ST7L: variants seen among roughly 807,000 people sequenced by gnomAD.
The protein encoded by ST7L is suppression of tumorigenicity 7 like.
In ST7L, 57 loss-of-function variants were observed where a neutral mutation model predicts 72.5. That is an observed-to-expected ratio of 0.79 (90% CI 0.64 to 0.98). The LOEUF (loss-of-function observed/expected upper bound fraction) is 0.98. Among genes scored for constraint, ST7L ranks in the 50% least tolerant of loss-of-function variants. The pLI, the probability that ST7L is intolerant of heterozygous loss-of-function variation, is 0.00. For missense variants in ST7L, 576 were observed against 672.2 expected, an observed-to-expected ratio of 0.86 and a Z score of 1.58; for synonymous variants, 221 against 240.9, an observed-to-expected ratio of 0.92 and a Z score of 0.77.
At chr1:112,520,492 T>A (rs759825299), downstream of ST7L, 4 of 1,613,746 alleles carry the variant, frequency 2.5e-6, no homozygotes, top group African/African-American at 4.0e-5. Flanking sequence ...GAAGGCAGAG[T>A]GGCTGGACCA....
At chr1:112,530,718 G>GTGC (rs1186551858) in intron 14 of ST7L, among the ~76,000 whole-genome samples, 1 of 152,106 alleles carries the variant, frequency 6.6e-6, no homozygotes, top group African/African-American at 2.4e-5. Context: ...CCCAGCCTCT[G>GTGC]TGCCTATTTT....
intron 11 of ST7L, among the ~76,000 whole-genome samples, chr1:112,565,845 A>G (rs894140322): frequency 6.6e-6 from 1 of 152,016 alleles, no homozygotes; most frequent in Non-Finnish European, 1.5e-5. Flanking sequence ...GCAAAACCCC[A>G]TCTCTACAAA....
intron 9 of ST7L, 77 bp downstream of exon 9, chr1:112,581,915 A>G (rs376386704): frequency 2.9e-6 from 3 of 1,017,492 alleles, no homozygotes; most frequent in Non-Finnish European, 4.5e-6. Flanking sequence ...AAAATTAAAT[A>G]CTAGAATATA....
intron 14 of ST7L, chr1:112,540,469 AAATAG>A (rs1230134909): frequency 1.0e-6 from 1 of 985,366 alleles, no homozygotes; most frequent in Admixed American, 6.1e-5. Flanking sequence ...CACTGAAAAG[AAATAG>A]AATAGTCAGT....
chr1:112,559,425 G>A (rs1659727299), intron 11 of ST7L, among the ~76,000 whole-genome samples: 1 of 151,746 alleles, frequency 6.6e-6, no homozygotes, highest in South Asian at 2.1e-4. Context: ...GTAGAAACGG[G>A]GTTTCACTAT....
At chr1:112,590,917 T>C (rs1034664139) in intron 6 of ST7L, among the ~76,000 whole-genome samples, 20 of 151,530 alleles carry the variant, frequency 1.3e-4, no homozygotes, top group Non-Finnish European at 2.2e-4. Context: ...AATACATTTG[T>C]ATTTTAGTAC....
chr1:112,578,471 A>G (rs1369378995), intron 9 of ST7L, 54 bp from the exon 10 acceptor site: 2 of 1,486,264 alleles, frequency 1.3e-6, no homozygotes, highest in African/African-American at 2.8e-5. Flanking sequence ...TATTGAGACA[A>G]TTTTTTAATA....
intron 13 of ST7L, among the ~76,000 whole-genome samples, chr1:112,547,022 G>A (rs868615959): frequency 6.6e-6 from 1 of 151,440 alleles, no homozygotes; most frequent in Non-Finnish European, 1.5e-5. Flanking sequence ...TGTTACACAG[G>A]CAACATAGTC....
At chr1:112,550,833 A>C (rs1657998144) in intron 12 of ST7L, 140 bp from the exon 13 acceptor site, 1 of 613,008 alleles carries the variant, frequency 1.6e-6, no homozygotes, top group Admixed American at 2.9e-5. Context: ...AAAGTAAGCA[A>C]AATAATAAAT....
Position 112,581,976 on chromosome 1 carries a change from A to T in ST7L, c.1069+16T>A. On this transcript the variant is annotated intron_variant, in intron 9 of 14. Transcript: ENST00000358039. Reference sequence around the variant, plus strand: ...AAAAGAATAACCATGCTATCAACTAAGGGAATATGACTCACCATCATATTT... The same window carrying T: ...AAAAGAATAACCATGCTATCAACTATGGGAATATGACTCACCATCATATTT... 1 of 1,436,046 alleles carries T rather than the reference A, an allele frequency of 7.0e-7. No homozygotes were observed. Among genetic ancestry groups the T allele is most frequent in the Non-Finnish European group, 9.8e-7 (1 of 1,019,284 alleles). 89.0% of individuals were successfully genotyped at this position (1,436,046 alleles called of 1,614,324 possible).
At chr1:112,539,032 A>C (rs185976819) in intron 14 of ST7L, 3 of 152,338 alleles carry the variant, frequency 2.0e-5, no homozygotes, top group African/African-American at 7.2e-5. Context: ...TCTATTTCAT[A>C]ATGACTCTGC....
At chr1:112,566,494 T>C (rs928020733) in intron 11 of ST7L, among the ~76,000 whole-genome samples, 1 of 152,034 alleles carries the variant, frequency 6.6e-6, no homozygotes, top group Non-Finnish European at 1.5e-5. Flanking sequence ...AGATGGGGTT[T>C]CACCATGCTG....
Position 112,582,439 on chromosome 1 carries a change from CTTTT to C in ST7L, c.886_889del (p.Lys296GlufsTer10). ...TTTTCTTGCACACATTGCCAATCTT[CTTTT>C]AATATATACCAGTACATTGGTATCT... On this transcript the variant is annotated frameshift_variant, in exon 8 of 15. Coordinates refer to ENST00000358039, the MANE Select transcript of ST7L (RefSeq NM_017744.5). LOFTEE classifies it high-confidence loss of function. 6.2e-7 allele frequency: 1 copy of C among 1,608,354 alleles called. No individual in the cohort carries two copies.
intron 2 of ST7L, 134 bp from the exon 3 acceptor site, chr1:112,611,137 T>C: frequency 1.3e-6 from 1 of 767,484 alleles, no homozygotes; most frequent in Non-Finnish European, 2.0e-6. Flanking sequence ...GAAAAAAACA[T>C]ACAAACACAA....
intron 11 of ST7L, among the ~76,000 whole-genome samples, chr1:112,573,967 T>G (rs1345417640): frequency 7.3e-6 from 1 of 136,808 alleles, no homozygotes; most frequent in Non-Finnish European, 1.5e-5. Flanking sequence ...CAAGCTGGAG[T>G]GCAGTGGTGC....
intron 3 of ST7L, among the ~76,000 whole-genome samples, chr1:112,603,285 CCAAA>C (rs1242770227): frequency 6.6e-6 from 1 of 152,056 alleles, no homozygotes; most frequent in African/African-American, 2.4e-5. Flanking sequence ...CAAGTATTTT[CCAAA>C]CAACCAATGT....
rs142107215 is a variant in ST7L, at chr1:112,616,158, C to T, written c.288+655G>A. On this transcript the variant is annotated intron_variant, in intron 2 of 14. Transcript: ENST00000358039. ...AGGGGCATGCACTGTCCAGGCTACC[C>T]AGTCCTCAAAGAAATAAGAATTTAA... Among the ~76,000 whole-genome samples, 459 of 152,266 alleles carry T rather than the reference C, an allele frequency of 3.0e-3. 1 individual carries two copies. The highest frequency in any genetic ancestry group is 0.01 in the African/African-American group (432 of 41,536).
At chr1:112,527,881 CAGTA>C (rs1032037006) in intron 14 of ST7L, 6 of 152,190 alleles carry the variant, frequency 3.9e-5, no homozygotes, top group African/African-American at 4.8e-5. Context: ...TAAAAGGAAA[CAGTA>C]AGGAAGGTGA....
downstream of ST7L, chr1:112,520,338 T>C (rs759535661): frequency 3.1e-6 from 5 of 1,614,010 alleles, no homozygotes; most frequent in Admixed American, 1.7e-5. Flanking sequence ...CAGACGGTTG[T>C]GAAATCATGT....
Sources: allele counts gnomAD v4.1 joint callset (sites outside exome capture counted in the v4.1 genomes callset), GRCh38; gene constraint gnomAD v4.1.1; transcripts MANE v1.5; gene names NCBI Gene and HGNC (gene_info 2026-07-23, HGNC 2026-07-21).